IFNG-AS1: variants seen among roughly 807,000 people sequenced by gnomAD.
The protein encoded by IFNG-AS1 is IFNG regulatory antisense RNA 1.
At chr12:68,012,811 G>C (rs540626994) in intron 3 of IFNG-AS1, among the ~76,000 whole-genome samples, 4 of 152,334 alleles carry the variant, frequency 2.6e-5, no homozygotes, top group South Asian at 4.1e-4. Context: ...TAGAGTTCAG[G>C]ATGAGGAGGC....
At chr12:68,000,973 A>G (rs554990262) in intron 2 of IFNG-AS1, among the ~76,000 whole-genome samples, 44 of 152,308 alleles carry the variant, frequency 2.9e-4, no homozygotes, top group Admixed American at 2.0e-3. Flanking sequence ...AAGCCTAGGT[A>G]TAAAGGCCTG....
intron 2 of IFNG-AS1, among the ~76,000 whole-genome samples, chr12:67,996,850 TTTTA>T (rs753255238): frequency 1.3e-5 from 2 of 152,218 alleles, no homozygotes; most frequent in African/African-American, 2.4e-5. Context: ...TATTTCTATC[TTTTA>T]TTTGTCAGAC....
At chr12:68,001,777 A>C (rs1240639289) in intron 2 of IFNG-AS1, among the ~76,000 whole-genome samples, 1 of 152,188 alleles carries the variant, frequency 6.6e-6, no homozygotes, top group Non-Finnish European at 1.5e-5. Flanking sequence ...TGGCTATTTC[A>C]AAAAATGAAC....
intron 1 of IFNG-AS1, among the ~76,000 whole-genome samples, chr12:67,994,516 A>G (rs1029417886): frequency 6.6e-6 from 1 of 152,182 alleles, no homozygotes; most frequent in African/African-American, 2.4e-5. Context: ...ATGCTGCTTT[A>G]TCCTAACTTG....
intron 3 of IFNG-AS1, among the ~76,000 whole-genome samples, chr12:68,010,270 C>A (rs1259863995): frequency 1.3e-5 from 2 of 152,144 alleles, no homozygotes; most frequent in Non-Finnish European, 2.9e-5. Flanking sequence ...GTAGAGATGA[C>A]CTTTGTTCAG....
intron 3 of IFNG-AS1, among the ~76,000 whole-genome samples, chr12:68,011,422 T>C (rs1187877040): frequency 1.3e-5 from 2 of 152,190 alleles, no homozygotes; most frequent in African/African-American, 2.4e-5. Flanking sequence ...TTGCTATTTC[T>C]GACCACCCTG....
At chr12:67,996,772 C>G (rs1047635554) in intron 2 of IFNG-AS1, among the ~76,000 whole-genome samples, 3 of 152,194 alleles carry the variant, frequency 2.0e-5, no homozygotes, top group Non-Finnish European at 2.9e-5. Context: ...ATTGCTCATT[C>G]TATGACCTTA....
chr12:68,000,077 T>C (rs1879733287), intron 2 of IFNG-AS1, among the ~76,000 whole-genome samples: 1 of 152,186 alleles, frequency 6.6e-6, no homozygotes. Context: ...TGGCAAATGT[T>C]GAATAAGGTC....
At chr12:68,005,808 G>C (rs1879892892) in intron 2 of IFNG-AS1, among the ~76,000 whole-genome samples, 1 of 152,136 alleles carries the variant, frequency 6.6e-6, no homozygotes, top group Non-Finnish European at 1.5e-5. Context: ...AGAATACACA[G>C]GTTGAAAGCA....
rs568181679 is a variant in IFNG-AS1, at chr12:68,013,073, A to T, written n.242-6789A>T. On this transcript the variant is annotated intron_variant and non_coding_transcript_variant, in intron 3 of 5. Coordinates refer to ENST00000536914, the Ensembl canonical transcript of IFNG-AS1. The stretch of plus-strand genomic sequence containing the variant: ...AGCCTTGTCCAGGGCATCTTAGCTC[A>T]CTGCAATACAGAAGCTTTAACCATT... 4.6e-5 allele frequency among the ~76,000 whole-genome samples: 7 copies of T among 152,388 alleles called. No individual in the cohort carries two copies. The East Asian group carries it at 1.3e-3, about 29-fold the overall frequency.
intron 2 of IFNG-AS1, among the ~76,000 whole-genome samples, chr12:67,998,930 A>T (rs901673327): frequency 4.6e-5 from 7 of 152,186 alleles, no homozygotes; most frequent in African/African-American, 1.2e-4. Context: ...AACCCAGTTA[A>T]TGTTTATTTT....
intron 3 of IFNG-AS1, among the ~76,000 whole-genome samples, chr12:68,014,940 A>T (rs1461899355): frequency 6.6e-6 from 1 of 152,196 alleles, no homozygotes; most frequent in African/African-American, 2.4e-5. Flanking sequence ...GAAAAGAGCA[A>T]TGCACATTTC....
intron 3 of IFNG-AS1, among the ~76,000 whole-genome samples, chr12:68,006,464 C>T (rs1198599952): frequency 6.6e-6 from 1 of 152,130 alleles, no homozygotes; most frequent in Non-Finnish European, 1.5e-5. Flanking sequence ...CCATCTCCCT[C>T]ACTCATGAAG....
chr12:68,018,901 C>G (rs537542807), intron 3 of IFNG-AS1, among the ~76,000 whole-genome samples: 89 of 152,112 alleles, frequency 5.9e-4, no homozygotes, highest in African/African-American at 2.1e-3. Flanking sequence ...TGACCTATCC[C>G]AGAGCAACTT....
chr12:67,996,815 C>T (rs1401723460), intron 2 of IFNG-AS1, among the ~76,000 whole-genome samples: 4 of 152,160 alleles, frequency 2.6e-5, no homozygotes, highest in African/African-American at 9.7e-5. Flanking sequence ...CTCTTAATAT[C>T]TTTACTTTAT....
chr12:68,005,460 A>G (rs1333683827), intron 2 of IFNG-AS1, among the ~76,000 whole-genome samples: 1 of 152,214 alleles, frequency 6.6e-6, no homozygotes, highest in Non-Finnish European at 1.5e-5. Context: ...AATGTCCTCC[A>G]ATCTGTGTTA....
rs140722690 is a variant in IFNG-AS1, at chr12:68,018,535, A to G, written n.242-1327A>G. Among the ~76,000 whole-genome samples, 211 of 152,140 alleles carry G rather than the reference A, an allele frequency of 1.4e-3. 4 individuals are homozygous for G. Among genetic ancestry groups the G allele is most frequent in the East Asian group, 0.01 (52 of 5,172 alleles). On this transcript the variant is annotated intron_variant and non_coding_transcript_variant, in intron 3 of 5. Transcript: ENST00000536914. ...TCATGCCAGGCATAACACCTTTCTTATCTGTCTCTCACCTCTGCTTTGCTC... is the reference window on the plus strand; with the variant it reads ...TCATGCCAGGCATAACACCTTTCTTGTCTGTCTCTCACCTCTGCTTTGCTC...
chr12:68,019,456 A>G (rs1053042604), intron 3 of IFNG-AS1, among the ~76,000 whole-genome samples: 5 of 152,314 alleles, frequency 3.3e-5, no homozygotes, highest in Admixed American at 1.3e-4. Context: ...TATCCATGCT[A>G]ATATACACTG....
intron 2 of IFNG-AS1, among the ~76,000 whole-genome samples, chr12:68,000,669 C>T (rs999688597): frequency 1.3e-5 from 2 of 151,714 alleles, no homozygotes; most frequent in Non-Finnish European, 2.9e-5. Flanking sequence ...AAGGCCTTGT[C>T]TCTTAAAAAA....
Sources: gnomAD v4.1 joint callset for allele counts (sites outside exome capture counted in the v4.1 genomes callset) on GRCh38, gnomAD v4.1.1 for gene constraint, MANE v1.5 for transcripts, NCBI Gene and HGNC (gene_info 2026-07-23, HGNC 2026-07-21) for gene names.